Variants in SNX25 observed in about 807,000 individuals in gnomAD.
SNX25 encodes the protein sorting nexin 25.
Under a neutral mutation model 113.7 loss-of-function variants are expected in SNX25, and 62 were observed. That is an observed-to-expected ratio of 0.55 (90% CI 0.44 to 0.67). SNX25 has a LOEUF of 0.67. Among genes scored for constraint, SNX25 ranks in the 30% least tolerant of loss-of-function variants. SNX25 has a pLI of 0.00. For missense variants in SNX25, 1,014 were observed against 1,161.0 expected, an observed-to-expected ratio of 0.87 and a Z score of 1.84; for synonymous variants, 421 against 436.2, an observed-to-expected ratio of 0.97 and a Z score of 0.43.
chr4:185,236,102 A>G (rs979552504), intron 1 of SNX25, among the ~76,000 whole-genome samples: 5 of 152,202 alleles, frequency 3.3e-5, no homozygotes, highest in Admixed American at 1.3e-4. Flanking sequence ...TTATCTAGAT[A>G]AACTCCTCTA....
intron 15 of SNX25, among the ~76,000 whole-genome samples, chr4:185,354,519 CG>C (rs1453802369): frequency 6.6e-6 from 1 of 152,144 alleles, no homozygotes; most frequent in Non-Finnish European, 1.5e-5. Flanking sequence ...AGGACAGCCC[CG>C]CGGCAGAGTT....
At chr4:185,371,425 C>T (rs202204193), downstream of SNX25, among the ~76,000 whole-genome samples, 107 of 151,810 alleles carry the variant, frequency 7.0e-4, 1 homozygote, top group Middle Eastern at 0.014. Context: ...GCCTGTAGTC[C>T]CAGCTACTCG....
At chr4:185,360,494 T>G (rs2095356510) in intron 16 of SNX25, among the ~76,000 whole-genome samples, 1 of 152,184 alleles carries the variant, frequency 6.6e-6, no homozygotes, top group South Asian at 2.1e-4. Flanking sequence ...ATGAATTGAA[T>G]TTGAAATTTG....
Position 185,215,091 on chromosome 4 carries a change from G to A in SNX25, c.429+4836G>A, listed in dbSNP as rs562935157. Among the ~76,000 whole-genome samples the A allele has an allele frequency of 1.8e-4, 28 of 152,234 alleles. No individual in the cohort carries two copies. The South Asian group carries it at 3.7e-3, about 20-fold the overall frequency. On this transcript the variant is annotated intron_variant, in intron 1 of 18. Transcript: ENST00000652585. ...TGAAAATACAAAAAATTAGCCGGGC[G>A]TGGTGCGGGCGCCTGTAGTCCCAGC...
chr4:185,326,010 AT>A (rs2095154845), intron 9 of SNX25, among the ~76,000 whole-genome samples: 1 of 152,208 alleles, frequency 6.6e-6, no homozygotes, highest in African/African-American at 2.4e-5. Context: ...ACAGATTCTT[AT>A]TGCACTTATG....
At chr4:185,296,825 C>G (rs1752902235) in intron 6 of SNX25, among the ~76,000 whole-genome samples, 1 of 152,182 alleles carries the variant, frequency 6.6e-6, no homozygotes. Context: ...ATCATTCAAA[C>G]CTGGCCACAT....
At position 185,264,442 on chromosome 4, in the gene SNX25, G is replaced by T; in HGVS notation, c.736G>T (p.Glu246Ter). ...CDLKAANARH[E>*]EQPRPFVLHA... ...TTTTTCACTCTCTTTATTTAGACAT[G>T]AAGAACAGCCAAGACCTTTTGTGTT... The change falls in exon 4 of 19, where the codon GAA (glutamate) becomes TAA (stop). Residue 246 changes from glutamate to a stop codon, truncating the protein, a stop_gained. Transcript: ENST00000652585. LOFTEE classifies it high-confidence loss of function. The T allele has an allele frequency of 6.2e-7, 1 of 1,612,172 alleles. No homozygotes were observed. Among genetic ancestry groups the T allele is most frequent in the South Asian group, 1.1e-5 (1 of 90,916 alleles).
intron 1 of SNX25, among the ~76,000 whole-genome samples, chr4:185,225,200 G>A (rs867519830): frequency 4.0e-5 from 6 of 149,458 alleles, no homozygotes; most frequent in African/African-American, 1.5e-4. Flanking sequence ...CTCACTGCAA[G>A]CTCCACCTCC....
At chr4:185,294,846 A>C (rs1237140407) in intron 6 of SNX25, among the ~76,000 whole-genome samples, 1 of 152,174 alleles carries the variant, frequency 6.6e-6, no homozygotes, top group Non-Finnish European at 1.5e-5. Context: ...AAAAATAAGA[A>C]CAAATTTAGC....
At chr4:185,319,668 GAGACCTGTCTC>G (rs2095105040) in intron 7 of SNX25, among the ~76,000 whole-genome samples, 2 of 152,250 alleles carry the variant, frequency 1.3e-5, no homozygotes, top group South Asian at 4.1e-4. Context: ...TAAACTGATT[GAGACCTGTCTC>G]AGATACTTTC....
At chr4:185,298,923 C>T (rs1753234651) in intron 6 of SNX25, among the ~76,000 whole-genome samples, 1 of 152,142 alleles carries the variant, frequency 6.6e-6, no homozygotes, top group Non-Finnish European at 1.5e-5. Flanking sequence ...ATCTTATCCA[C>T]CAGAAGTGGG....
intron 7 of SNX25, among the ~76,000 whole-genome samples, chr4:185,315,081 A>G (rs1488576190): frequency 6.7e-6 from 1 of 150,328 alleles, no homozygotes; most frequent in Non-Finnish European, 1.5e-5. Flanking sequence ...ACAAAAAATT[A>G]GCCGGGCGCG....
downstream of SNX25, chr4:185,366,727 G>A (rs1249371753): frequency 2.6e-5 from 4 of 151,952 alleles, no homozygotes; most frequent in African/African-American, 9.7e-5. Flanking sequence ...TTAAATGACT[G>A]AAACAAAATT....
At chr4:185,374,398 T>C (rs201323804), downstream of SNX25, 21 of 1,614,086 alleles carry the variant, frequency 1.3e-5, no homozygotes, top group South Asian at 1.1e-5. Flanking sequence ...GCTGCAAATT[T>C]TAAGTGTCTT....
intron 1 of SNX25, among the ~76,000 whole-genome samples, chr4:185,240,597 C>A (rs1743688151): frequency 1.3e-5 from 2 of 150,526 alleles, no homozygotes; most frequent in South Asian, 4.2e-4. Flanking sequence ...GTAGGGGCGG[C>A]CGGGCAGAGG....
chr4:185,271,037 G>A (rs1748851407), intron 5 of SNX25, among the ~76,000 whole-genome samples: 1 of 152,138 alleles, frequency 6.6e-6, no homozygotes, highest in Admixed American at 6.6e-5. Context: ...ATAAAATGTT[G>A]CAGTTCCTAA....
chr4:185,340,406 C>T (rs1479902687), intron 11 of SNX25, among the ~76,000 whole-genome samples: 2 of 152,136 alleles, frequency 1.3e-5, no homozygotes, highest in Non-Finnish European at 2.9e-5. Context: ...AACCAGGTGC[C>T]TTCTGTATGT....
downstream of SNX25, among the ~76,000 whole-genome samples, chr4:185,371,357 G>C (rs1225035804): frequency 6.6e-6 from 1 of 151,906 alleles, no homozygotes; most frequent in Non-Finnish European, 1.5e-5. Context: ...GGCTAACATG[G>C]TGAAACCCCG....
intron 14 of SNX25, among the ~76,000 whole-genome samples, chr4:185,352,729 T>A (rs1036449076): frequency 6.6e-6 from 1 of 152,170 alleles, no homozygotes; most frequent in African/African-American, 2.4e-5. Flanking sequence ...CCCTGTCCCT[T>A]CCTCTGCTCG....
Sources: allele counts gnomAD v4.1 joint callset (sites outside exome capture counted in the v4.1 genomes callset), GRCh38; gene constraint gnomAD v4.1.1; transcripts MANE v1.5; gene names NCBI Gene and HGNC (gene_info 2026-07-23, HGNC 2026-07-21).